RIMBP2: variants seen among roughly 807,000 people sequenced by gnomAD.
RIMBP2 encodes the protein RIMS-binding protein 2.
RIMBP2 carries 48 observed loss-of-function variants against 118.6 expected under a neutral mutation model. The ratio of observed to expected loss-of-function variants is 0.40; its 90% confidence interval spans 0.32 to 0.51. RIMBP2 has a LOEUF of 0.51. Among genes scored for constraint, RIMBP2 ranks in the 20% least tolerant of loss-of-function variants. The probability of loss-of-function intolerance (pLI) is 0.41; values close to 1 mark genes in which losing one functional copy is unlikely to be tolerated. For synonymous variants in RIMBP2, 762 were observed against 742.9 expected (o/e 1.03, Z -0.42); for missense variants, 1,551 against 1,768.3 (o/e 0.88, Z 2.20).
intron 1 of RIMBP2, among the ~76,000 whole-genome samples, chr12:130,664,389 G>GCACGCA (rs74184218): frequency 0.034 from 2,814 of 82,124 alleles, 126 homozygotes; most frequent in Admixed American, 0.055. Flanking sequence ...GCACGCGCAT[G>GCACGCA]CACACACACG....
intron 11 of RIMBP2, among the ~76,000 whole-genome samples, chr12:130,440,104 G>A (rs2077993688): frequency 7.1e-6 from 1 of 141,402 alleles, no homozygotes; most frequent in South Asian, 2.4e-4. Flanking sequence ...CACCGTCCCC[G>A]GGCATGGCTA....
At chr12:130,574,649 G>A (rs531389733) in intron 2 of RIMBP2, among the ~76,000 whole-genome samples, 36 of 152,094 alleles carry the variant, frequency 2.4e-4, no homozygotes, top group Non-Finnish European at 3.2e-4. Context: ...AAGTTCAAAC[G>A]GCTGGGAGCA....
At chr12:130,440,905 A>C (rs989461291) in intron 11 of RIMBP2, among the ~76,000 whole-genome samples, 1 of 152,106 alleles carries the variant, frequency 6.6e-6, no homozygotes, top group African/African-American at 2.4e-5. Context: ...CTGGCTGCCC[A>C]GTAACTCAGC....
chr12:130,397,757 TTC>T, intron 22 of RIMBP2: 1 of 367,506 alleles, frequency 2.7e-6, no homozygotes, highest in Non-Finnish European at 4.8e-6. Context: ...TGGGTTCCGT[TTC>T]TCTGTCTCGA....
chr12:130,589,610 TCAC>T (rs2140301285), intron 2 of RIMBP2, among the ~76,000 whole-genome samples: 1 of 152,304 alleles, frequency 6.6e-6, no homozygotes, highest in Admixed American at 6.5e-5. Context: ...CAGTTTGTTC[TCAC>T]CACAGAAAAA....
intron 7 of RIMBP2, 133 bp from the exon 8 acceptor site, chr12:130,451,473 C>G: frequency 1.0e-6 from 1 of 980,762 alleles, no homozygotes; most frequent in Non-Finnish European, 1.5e-6. Flanking sequence ...GGGGTCCACC[C>G]GTCTCCTGCT....
Position 130,601,335 on chromosome 12 carries a change from CAAAAAAAA to C in RIMBP2, c.-217+26979_-217+26986del, listed in dbSNP as rs35127958. On this transcript the variant is annotated intron_variant, in intron 2 of 22. Transcript: ENST00000690449. ...TGGGGATGGGGTCAAAGAGGGCAGG[CAAAAAAAA>C]AAAAAAAAAAAAAAAAAGCAAACCG... Among the ~76,000 whole-genome samples, 35 of 63,082 alleles carry C rather than the reference CAAAAAAAA, an allele frequency of 5.5e-4. 1 individual carries two copies. Among genetic ancestry groups the C allele is most frequent in the Admixed American group, 2.9e-3 (10 of 3,406 alleles). 41.4% of individuals were successfully genotyped at this position (63,082 alleles called of 152,430 possible).
Position 130,424,096 on chromosome 12 carries a change from G to T in RIMBP2, c.3129+46C>A. 1 of 1,027,370 alleles carries T rather than the reference G, an allele frequency of 9.7e-7. No homozygotes were observed. The highest frequency in any genetic ancestry group is 1.2e-6 in the Non-Finnish European group (1 of 801,122). The allele number at this position is 1,027,370 out of a possible 1,614,324, so 63.6% of individuals were successfully genotyped here. A position where few individuals can be genotyped will look rare whatever the true frequency, so the allele number is the denominator to read the frequency against. On this transcript the variant is annotated intron_variant, in intron 16 of 22. Transcript: ENST00000690449. The surrounding 1 kb of genome is among the most constrained non-coding windows in gnomAD (Gnocchi z 9.8). ...AGAAAACCAGTGAAAGGATGGGACA[G>T]ATTGGTTTGGCAAGCGGCTGTGAAA...
rs922803389 is a variant in RIMBP2, at chr12:130,499,280, CAT to C, written c.-4+7366_-4+7367del. ...ATTCAACATGAGATTTGGGTGGGGA[CAT>C]AGAGCCAAACCATATCAGGGTGCTT... On this transcript the variant is annotated intron_variant, in intron 4 of 22. Coordinates refer to ENST00000690449, the MANE Select transcript of RIMBP2 (RefSeq NM_001393629.1). 1.2e-3 allele frequency among the ~76,000 whole-genome samples: 185 copies of C among 152,292 alleles called. 2 individuals carry two copies. The highest frequency in any genetic ancestry group is 4.2e-3 in the African/African-American group (175 of 41,558).
At chr12:130,612,674 C>G (rs1209829594) in intron 2 of RIMBP2, among the ~76,000 whole-genome samples, 1 of 152,142 alleles carries the variant, frequency 6.6e-6, no homozygotes, top group Non-Finnish European at 1.5e-5. Context: ...CGGGAGAAAC[C>G]TGGAGGAGCT....
chr12:130,611,209 C>G (rs939603755), intron 2 of RIMBP2, among the ~76,000 whole-genome samples: 1 of 152,232 alleles, frequency 6.6e-6, no homozygotes, highest in South Asian at 2.1e-4. Context: ...CGGGAACCGC[C>G]GCAGCTCCTG....
chr12:130,551,637 C>T (rs2055797193), intron 2 of RIMBP2, among the ~76,000 whole-genome samples: 1 of 152,046 alleles, frequency 6.6e-6, no homozygotes, highest in African/African-American at 2.4e-5. Context: ...TAATTAGTTC[C>T]CTGTGTCCAA....
intron 4 of RIMBP2, among the ~76,000 whole-genome samples, chr12:130,492,637 G>A (rs1264320284): frequency 1.3e-5 from 2 of 152,186 alleles, no homozygotes; most frequent in Admixed American, 6.5e-5. Flanking sequence ...CTGTGAGCCC[G>A]GGATTTTGGC....
chr12:130,453,399 G>T (rs1293182421), intron 7 of RIMBP2, among the ~76,000 whole-genome samples: 4 of 152,246 alleles, frequency 2.6e-5, no homozygotes, highest in African/African-American at 9.6e-5. Context: ...GGCCAGCCCT[G>T]CACCTTCCAC....
At chr12:130,417,611 C>T (rs962341729) in intron 17 of RIMBP2, among the ~76,000 whole-genome samples, 21 of 152,170 alleles carry the variant, frequency 1.4e-4, no homozygotes. Context: ...CCGAGAAACT[C>T]CTGACGGGGC....
chr12:130,448,953 G>T (rs1048757386), intron 9 of RIMBP2, among the ~76,000 whole-genome samples: 2 of 152,360 alleles, frequency 1.3e-5, no homozygotes, highest in Admixed American at 6.5e-5. Context: ...AGGTATTCAA[G>T]GTGTATGGAC....
chr12:130,583,858 CCAT>C (rs1181676158), intron 2 of RIMBP2, among the ~76,000 whole-genome samples: 1 of 128,224 alleles, frequency 7.8e-6, no homozygotes, highest in African/African-American at 2.9e-5. Context: ...CACCATTACA[CCAT>C]CATCACCATG....
chr12:130,433,661 T>C (rs1022499265), intron 14 of RIMBP2, among the ~76,000 whole-genome samples: 3 of 152,186 alleles, frequency 2.0e-5, no homozygotes, highest in South Asian at 2.1e-4. Context: ...CGAGATGTCA[T>C]AGAAAGTCTG....
intron 2 of RIMBP2, among the ~76,000 whole-genome samples, chr12:130,625,647 T>C (rs1287097513): frequency 6.6e-6 from 1 of 152,132 alleles, no homozygotes; most frequent in Non-Finnish European, 1.5e-5. Flanking sequence ...TTAAATGCAA[T>C]AGCTTAATGA....
Sources: gnomAD v4.1 joint callset for allele counts (sites outside exome capture counted in the v4.1 genomes callset) on GRCh38, gnomAD v4.1.1 for gene constraint, Gnocchi (gnomAD v3.1) non-coding constraint, MANE v1.5 for transcripts, NCBI Gene and HGNC (gene_info 2026-07-23, HGNC 2026-07-21) for gene names.